Variants in FAM120A observed in about 807,000 individuals in gnomAD.
The protein encoded by FAM120A is constitutive coactivator of PPAR-gamma-like protein 1.
FAM120A carries 15 observed loss-of-function variants against 109.7 expected under a neutral mutation model. The observed-to-expected ratio is 0.14, with a 90% CI of 0.09 to 0.21. The LOEUF is 0.21. Ranked by LOEUF, FAM120A falls within the 10% of genes least tolerant of loss-of-function variation. The probability of loss-of-function intolerance (pLI) is 1.00; values close to 1 mark genes in which losing one functional copy is unlikely to be tolerated. For synonymous variants in FAM120A, 493 were observed against 572.8 expected, an observed-to-expected ratio of 0.86 and a Z score of 1.99; for missense variants, 899 against 1,439.3, an observed-to-expected ratio of 0.62 and a Z score of 6.07.
intron 11 of FAM120A, among the ~76,000 whole-genome samples, chr9:93,548,056 A>G (rs1402674873): frequency 6.6e-6 from 1 of 152,134 alleles, no homozygotes; most frequent in Non-Finnish European, 1.5e-5. Context: ...AAGCCAGGAA[A>G]GATCTTGAGA....
chr9:93,516,193 G>T lies in FAM120A; in HGVS notation c.1342G>T (p.Val448Leu). 1 of 1,613,998 alleles carries T rather than the reference G, an allele frequency of 6.2e-7. No individual in the cohort carries two copies. Residue 448 changes from valine (V) to leucine (L), a missense_variant, in exon 7 of 18, where the codon GTG becomes TTG. By Grantham distance (32) the Val-to-Leu change is conservative. This residue lies in a region of FAM120A where 31 missense variants were observed against 71.8 expected (regional missense o/e 0.43). Transcript: ENST00000277165. ...GGCCCAGAGCGGCAGCCCCAACCAC[G>T]TGGATTCCGCCTACTTCCCTGGCTC... is the stretch of plus-strand genomic sequence containing the variant. ...NPAQSGSPNH[V>L]DSAYFPGSST...
intron 5 of FAM120A, among the ~76,000 whole-genome samples, chr9:93,514,038 A>C (rs1482901908): frequency 6.6e-6 from 1 of 152,200 alleles, no homozygotes; most frequent in Non-Finnish European, 1.5e-5. Context: ...TGGATAATTT[A>C]TGAAGGAAAG....
chr9:93,556,383 T>C lies in FAM120A; in HGVS notation c.2276T>C (p.Ile759Thr), dbSNP rs371237886. 6.2e-7 allele frequency: 1 copy of C among 1,613,256 alleles called. No homozygotes were observed. Residue 759 changes from isoleucine to threonine, a missense_variant and splice_region_variant, in exon 13 of 18, where the codon ATT (isoleucine) becomes ACT (threonine). By Grantham distance (89) the Ile-to-Thr change is moderately conservative (BLOSUM62 -1). Coordinates refer to ENST00000277165, the MANE Select transcript of FAM120A (RefSeq NM_014612.5). ...GAAATTACTCTTTTCAATTTAAAGA[T>C]TGAGAACCTAGATCCCCGAGGAATT... ...YEPDQLQELK[I>T]ENLDPRGIQL...
At chr9:93,493,382 G>A (rs902926980) in intron 3 of FAM120A, among the ~76,000 whole-genome samples, 6 of 152,150 alleles carry the variant, frequency 3.9e-5, no homozygotes, top group Admixed American at 2.6e-4. Context: ...GTTAAGAGGG[G>A]CCCTTTCTCT....
At chr9:93,546,670 T>C (rs998998559) in intron 11 of FAM120A, among the ~76,000 whole-genome samples, 8 of 152,246 alleles carry the variant, frequency 5.3e-5, no homozygotes, top group African/African-American at 1.9e-4. Flanking sequence ...TTCTCAGCAG[T>C]GATCCCAGAA....
At chr9:93,505,157 T>C (rs1859987334) in intron 5 of FAM120A, among the ~76,000 whole-genome samples, 1 of 145,950 alleles carries the variant, frequency 6.9e-6, no homozygotes, top group Non-Finnish European at 1.5e-5. Context: ...GCCTCCCAGG[T>C]TCACACCATT....
rs1281157239 is a variant in FAM120A at position 93,516,257 on chromosome 9, G to C, written c.1406G>C (p.Gly469Ala). 2 of 1,611,378 alleles carry C rather than the reference G, an allele frequency of 1.2e-6. No homozygotes were observed. The highest frequency in any genetic ancestry group is 2.7e-5 in the African/African-American group (2 of 74,866). The change falls in exon 7 of 18, where the codon GGA becomes GCA. Residue 469 changes from glycine (G) to alanine (A), a missense_variant. By Grantham distance (60) the Gly-to-Ala change is moderately conservative. Coordinates refer to ENST00000277165, the MANE Select transcript of FAM120A (RefSeq NM_014612.5). ...SSSSDNDEGS[G>A]GATNHISGNK... ...TCTTCCGACAACGACGAGGGCAGCG[G>C]AGGGGCGACAAAGTGAGTGGTGCGT...
At position 93,500,927 on chromosome 9, in the gene FAM120A, G is replaced by A. The variant is rs1378510256; in HGVS notation, c.1030+2041G>A. Among the ~76,000 whole-genome samples the A allele has an allele frequency of 6.6e-6, 1 of 152,196 alleles. No homozygotes were observed. The highest frequency in any genetic ancestry group is 2.4e-5 in the African/African-American group (1 of 41,444). ...TTATGTGAATATTAAAAGAGAAGGC[G>A]TATGTAAGGTGCTTTAGTGAAGTAC... On this transcript the variant is annotated intron_variant, in intron 5 of 17. Transcript: ENST00000277165. The surrounding 1 kb of genome is among the most constrained non-coding windows in gnomAD (Gnocchi z 4.6).
intron 15 of FAM120A, among the ~76,000 whole-genome samples, chr9:93,560,294 A>C (rs1023277835): frequency 2.1e-5 from 3 of 144,438 alleles, no homozygotes; most frequent in Non-Finnish European, 4.6e-5. Flanking sequence ...ACCCTGTCTT[A>C]AAAAAAAAAA....
chr9:93,523,373 C>T (rs1206276217), intron 7 of FAM120A: 4 of 1,263,238 alleles, frequency 3.2e-6, no homozygotes, highest in Non-Finnish European at 4.1e-6. Flanking sequence ...GGTAGGTAGG[C>T]CTGGGGCTGA....
chr9:93,550,931 G>A (rs1564358288), intron 12 of FAM120A, among the ~76,000 whole-genome samples: 1 of 152,186 alleles, frequency 6.6e-6, no homozygotes, highest in Non-Finnish European at 1.5e-5. Flanking sequence ...CTTTGTCAGA[G>A]AATGATTTCC....
At chr9:93,466,030 C>T (rs1227906962) in intron 1 of FAM120A, among the ~76,000 whole-genome samples, 2 of 152,140 alleles carry the variant, frequency 1.3e-5, no homozygotes, top group African/African-American at 2.4e-5. Context: ...TGGCACGTGG[C>T]ATTGACTCGG....
chr9:93,476,381 C>G, intron 3 of FAM120A, 43 bp downstream of exon 3: 1 of 1,308,492 alleles, frequency 7.6e-7, no homozygotes, highest in Non-Finnish European at 1.1e-6. Flanking sequence ...TAATAATCAA[C>G]TGTGAGTTTG....
intron 1 of FAM120A, among the ~76,000 whole-genome samples, chr9:93,454,711 A>G (rs751709206): frequency 2.0e-5 from 3 of 152,210 alleles, no homozygotes; most frequent in African/African-American, 7.2e-5. Flanking sequence ...GGGTAGTACA[A>G]TGTTTATTCT....
At chr9:93,536,938 C>G (rs1353605693) in intron 10 of FAM120A, among the ~76,000 whole-genome samples, 1 of 152,230 alleles carries the variant, frequency 6.6e-6, no homozygotes, top group African/African-American at 2.4e-5. Flanking sequence ...TAAGCCCTCC[C>G]AGTGGTGCAC....
At chr9:93,472,155 G>A (rs2131262445) in intron 2 of FAM120A, among the ~76,000 whole-genome samples, 1 of 152,078 alleles carries the variant, frequency 6.6e-6, no homozygotes, top group African/African-American at 2.4e-5. Flanking sequence ...AGCTACTTGG[G>A]AGGCTGAGGC....
In FAM120A at chr9:93,452,151, C is replaced by T. The variant is rs1303373398; in HGVS notation, c.236C>T (p.Ala79Val). ...GQWNHMLGYL[A>V]ALAKACFGGN... is the part of the protein sequence containing the mutation. Reference sequence around the variant, plus strand: ...TGGAACCACATGCTTGGCTACCTGGCGGCGCTGGCCAAGGCCTGCTTCGGC... The same window carrying T: ...TGGAACCACATGCTTGGCTACCTGGTGGCGCTGGCCAAGGCCTGCTTCGGC... The change falls in exon 1 of 18, where the codon GCG becomes GTG. Residue 79 changes from alanine (A) to valine (V), a missense_variant. Physicochemically the swap from Ala to Val is moderately conservative, Grantham distance 64 (BLOSUM62 0). Around this residue, in one of 11 missense-constraint regions of FAM120A, gnomAD observed 258 missense variants for 451.4 expected, o/e 0.57. Transcript: ENST00000277165. The surrounding 1 kb of genome is among the most constrained non-coding windows in gnomAD (Gnocchi z 7.0). 1 of 1,611,742 alleles carries T rather than the reference C, an allele frequency of 6.2e-7. No homozygotes were observed. Among genetic ancestry groups the T allele is most frequent in the Admixed American group, 1.7e-5 (1 of 59,966 alleles).
intron 3 of FAM120A, among the ~76,000 whole-genome samples, chr9:93,477,552 T>A (rs1858599941): frequency 6.6e-6 from 1 of 152,230 alleles, no homozygotes; most frequent in African/African-American, 2.4e-5. Context: ...GGTGATGCCA[T>A]GATTGAAATG....
chr9:93,517,816 T>G (rs931879469), intron 7 of FAM120A, among the ~76,000 whole-genome samples: 2 of 152,138 alleles, frequency 1.3e-5, no homozygotes, highest in African/African-American at 4.8e-5. Context: ...GAATGTGAGT[T>G]GCCCATCTAA....
Sources: allele counts gnomAD v4.1 joint callset (sites outside exome capture counted in the v4.1 genomes callset), GRCh38; gene constraint gnomAD v4.1.1; regional missense constraint gnomAD v4.1.1; non-coding constraint Gnocchi (gnomAD v3.1); transcripts MANE v1.5; gene names NCBI Gene and HGNC (gene_info 2026-07-23, HGNC 2026-07-21).